The following SPSB4 variants were observed in gnomAD, a reference collection of about 807,000 sequenced individuals.
SPSB4 encodes the protein splA/ryanodine receptor domain and SOCS box containing 4, also known as SPRY domain-containing SOCS box protein 4.
SPSB4 carries 21 observed loss-of-function variants against 20.9 expected under a neutral mutation model. That is an observed-to-expected ratio of 1.01 (90% CI 0.71 to 1.45). The LOEUF is 1.45. SPSB4 is among the 40% of genes most tolerant of loss of function. The pLI, the probability that SPSB4 is intolerant of heterozygous loss-of-function variation, is 0.00. For synonymous variants in SPSB4, 207 were observed against 183.8 expected (o/e 1.13, Z -1.02); for missense variants, 399 against 399.2 (o/e 1.00, Z 0.00).
chr3:141,069,120 G>T (rs1937944334), intron 2 of SPSB4, among the ~76,000 whole-genome samples: 1 of 152,186 alleles, frequency 6.6e-6, no homozygotes, highest in Non-Finnish European at 1.5e-5. Context: ...GATAGGGTTG[G>T]CTTATCTGCT....
At chr3:141,067,976 C>A (rs1253082627) in intron 2 of SPSB4, among the ~76,000 whole-genome samples, 2 of 152,228 alleles carry the variant, frequency 1.3e-5, no homozygotes, top group Non-Finnish European at 2.9e-5. Flanking sequence ...GGGTTCCCCC[C>A]AGTTCTGATG....
intron 2 of SPSB4, among the ~76,000 whole-genome samples, chr3:141,084,653 G>C (rs1038184970): frequency 5.3e-5 from 8 of 152,200 alleles, no homozygotes; most frequent in Admixed American, 6.5e-5. Flanking sequence ...TGGAGGGTCT[G>C]TGGTGTCTAC....
chr3:141,105,126 T>A (rs1938668408), intron 2 of SPSB4, among the ~76,000 whole-genome samples: 1 of 152,212 alleles, frequency 6.6e-6, no homozygotes, highest in Non-Finnish European at 1.5e-5. Context: ...TTAGCCTCTT[T>A]TTCACAGGTG....
chr3:141,111,625 C>T (rs1453602628), intron 2 of SPSB4, among the ~76,000 whole-genome samples: 2 of 152,124 alleles, frequency 1.3e-5, no homozygotes, highest in African/African-American at 2.4e-5. Flanking sequence ...ACAGAACCCA[C>T]ATCAGCGGGT....
chr3:141,064,636 G>C (rs1398498317), intron 1 of SPSB4, among the ~76,000 whole-genome samples: 1 of 152,180 alleles, frequency 6.6e-6, no homozygotes, highest in African/African-American at 2.4e-5. Context: ...CTGGGTGGGA[G>C]GTTGAGGCTG....
intron 2 of SPSB4, among the ~76,000 whole-genome samples, chr3:141,137,300 A>T (rs1939245730): frequency 6.6e-6 from 1 of 152,170 alleles, no homozygotes; most frequent in Non-Finnish European, 1.5e-5. Flanking sequence ...GGACAATTTG[A>T]CTTCCTCTTT....
At chr3:141,096,216 C>T (rs4615052) in intron 2 of SPSB4, among the ~76,000 whole-genome samples, 8 of 151,988 alleles carry the variant, frequency 5.3e-5, no homozygotes, top group African/African-American at 1.9e-4. Flanking sequence ...ACCCAGGGCC[C>T]CAGGGGGAAA....
At chr3:141,141,286 G>A (rs1417933651) in intron 2 of SPSB4, among the ~76,000 whole-genome samples, 1 of 152,206 alleles carries the variant, frequency 6.6e-6, no homozygotes, top group East Asian at 1.9e-4. Flanking sequence ...TCCCAGGTGA[G>A]GCGACGCCTC....
chr3:141,129,941 C>G (rs187379322), intron 2 of SPSB4, among the ~76,000 whole-genome samples: 1 of 152,236 alleles, frequency 6.6e-6, no homozygotes, highest in Admixed American at 6.5e-5. Context: ...GTGTGGATGA[C>G]GCTTGTTGGC....
Position 141,132,203 on chromosome 3 carries a change from G to A in SPSB4, c.695-14939G>A, listed in dbSNP as rs1042566198. 19 of 425,276 alleles carry A rather than the reference G, an allele frequency of 4.5e-5. 1 individual carries two copies. Among genetic ancestry groups the A allele is most frequent in the Middle Eastern group, 7.2e-4 (2 of 2,796 alleles). 26.3% of individuals were successfully genotyped at this position (425,276 alleles called of 1,614,324 possible). ...TTTTTTTTGAGATGGAGTCTCACTCGGTTGCCCTGGCCAAAGTGCAGTGGC... is the reference window on the plus strand; with the variant it reads ...TTTTTTTTGAGATGGAGTCTCACTCAGTTGCCCTGGCCAAAGTGCAGTGGC... On this transcript the variant is annotated intron_variant, in intron 2 of 2. Coordinates refer to ENST00000310546, the MANE Select transcript of SPSB4 (RefSeq NM_080862.3).
chr3:141,139,474 C>A (rs542867310), intron 2 of SPSB4, among the ~76,000 whole-genome samples: 4 of 152,294 alleles, frequency 2.6e-5, no homozygotes, highest in Admixed American at 1.3e-4. Context: ...TGGCTGGTAC[C>A]AGTTGTTCCT....
intron 2 of SPSB4, among the ~76,000 whole-genome samples, chr3:141,104,498 A>G (rs1199950613): frequency 6.6e-6 from 1 of 152,144 alleles, no homozygotes; most frequent in Non-Finnish European, 1.5e-5. Flanking sequence ...ACCCCCAAGG[A>G]TCTCCTCTGC....
At chr3:141,113,924 C>T (rs900459695) in intron 2 of SPSB4, among the ~76,000 whole-genome samples, 23 of 152,110 alleles carry the variant, frequency 1.5e-4, no homozygotes, top group African/African-American at 5.3e-4. Flanking sequence ...GGGGAAACCC[C>T]ATCTCTACAA....
chr3:141,056,662 A>T (rs1175644647), intron 1 of SPSB4, among the ~76,000 whole-genome samples: 1 of 152,234 alleles, frequency 6.6e-6, no homozygotes, highest in Non-Finnish European at 1.5e-5. Flanking sequence ...TGTTTTCATC[A>T]TCGTTTTCCC....
intron 2 of SPSB4, among the ~76,000 whole-genome samples, chr3:141,103,205 G>A (rs1364545643): frequency 2.0e-5 from 3 of 152,214 alleles, no homozygotes; most frequent in Non-Finnish European, 2.9e-5. Context: ...TCCATTTGCA[G>A]ACCTAGCATG....
intron 2 of SPSB4, among the ~76,000 whole-genome samples, chr3:141,069,612 G>A (rs900957318): frequency 6.6e-6 from 1 of 152,160 alleles, no homozygotes; most frequent in African/African-American, 2.4e-5. Context: ...AACTCTGCCC[G>A]GGGCACCTCA....
At chr3:141,082,927 CTTTG>C (rs10533999) in intron 2 of SPSB4, among the ~76,000 whole-genome samples, 24,575 of 152,056 alleles carry the variant, frequency 0.16, 2,390 homozygotes, top group East Asian at 0.25. Flanking sequence ...TCCCTGCTTT[CTTTG>C]TTTGGCCTCA....
rs769672853 is a variant in SPSB4, at chr3:141,066,485, G to A, written c.381G>A (p.Val127=). Reference sequence around the variant, plus strand: ...CGGCCCGTGCTCCCCTGCACTCCGTGGGCTACACGGCGCTGGTAGGCAGTG... The same window carrying A: ...CGGCCCGTGCTCCCCTGCACTCCGTAGGCTACACGGCGCTGGTAGGCAGTG... ...VATARAPLHS[V]GYTALVGSDA... Residue 127 remains valine (V), a synonymous_variant, in exon 2 of 3, where the codon GTG becomes GTA. Coordinates refer to ENST00000310546, the MANE Select transcript of SPSB4 (RefSeq NM_080862.3). 47 of 1,500,910 alleles carry A rather than the reference G, an allele frequency of 3.1e-5. No homozygotes were observed. In the Admixed American group the frequency reaches 1.0e-3, roughly 32 times the overall value. 93.0% of individuals were successfully genotyped at this position (1,500,910 alleles called of 1,614,324 possible).
chr3:141,086,815 C>T (rs1276812889), intron 2 of SPSB4, among the ~76,000 whole-genome samples: 1 of 152,186 alleles, frequency 6.6e-6, no homozygotes, highest in Non-Finnish European at 1.5e-5. Context: ...CCTCTTTTAT[C>T]TCATAAGAAC....
Sources: allele counts gnomAD v4.1 joint callset (sites outside exome capture counted in the v4.1 genomes callset), GRCh38; gene constraint gnomAD v4.1.1; transcripts MANE v1.5; gene names NCBI Gene and HGNC (gene_info 2026-07-23, HGNC 2026-07-21).